SETD5: variants seen among roughly 807,000 people sequenced by gnomAD.
SETD5 encodes the protein SET domain containing 5, also known as histone-lysine N-methyltransferase SETD5.
In SETD5, 44 loss-of-function variants were observed where a neutral mutation model predicts 153.3. That is an observed-to-expected ratio of 0.29 (90% CI 0.23 to 0.37). The LOEUF (loss-of-function observed/expected upper bound fraction) is 0.37, where lower values mean the gene tolerates loss of function less well. Ranked by LOEUF, SETD5 falls within the 10% of genes least tolerant of loss-of-function variation. The pLI, the probability that SETD5 is intolerant of heterozygous loss-of-function variation, is 1.00. For synonymous variants in SETD5, 716 were observed against 645.2 expected (o/e 1.11, Z -1.66); for missense variants, 1,544 against 1,768.0 (o/e 0.87, Z 2.27).
At chr3:9,473,727 ATTAAGAATTACCAACAT>A in intron 20 of SETD5, among the ~76,000 whole-genome samples, 190 bp downstream of exon 20, 1 of 152,214 alleles carries the variant, frequency 6.6e-6, no homozygotes, top group Non-Finnish European at 1.5e-5. Context: ...GCTTTGCAGA[ATTAAGAATTACCAACAT>A]GCCTGTGGAG....
intron 18 of SETD5, among the ~76,000 whole-genome samples, chr3:9,467,733 C>T (rs556943169): frequency 6.6e-6 from 1 of 152,222 alleles, no homozygotes; most frequent in South Asian, 2.1e-4. Context: ...TTCCATTAAG[C>T]ACTCACTGCT....
chr3:9,443,176 C>T (rs892298769), intron 10 of SETD5, 132 bp from the exon 11 acceptor site: 1 of 676,014 alleles, frequency 1.5e-6, no homozygotes, highest in Non-Finnish European at 2.6e-6. Flanking sequence ...GGTTAAATAA[C>T]AGATTACCAT....
chr3:9,433,770 A>G, intron 3 of SETD5, 75 bp from the exon 4 acceptor site: 1 of 1,438,652 alleles, frequency 7.0e-7, no homozygotes, highest in Non-Finnish European at 9.8e-7. Context: ...GAGGGGTTAG[A>G]ATGGGAAATG....
intron 16 of SETD5, chr3:9,449,625 G>A (rs1002408413): frequency 6.6e-6 from 1 of 152,164 alleles, no homozygotes. Context: ...AAACTTAAAA[G>A]CTTTTCTCTT....
intron 2 of SETD5, chr3:9,426,248 T>G (rs2039219257): frequency 7.7e-6 from 1 of 129,570 alleles, no homozygotes; most frequent in African/African-American, 3.1e-5. Context: ...TTTTTTTTTT[T>G]TTTTGGCAAC....
chr3:9,467,586 C>T (rs2044761520), intron 18 of SETD5, among the ~76,000 whole-genome samples: 1 of 152,152 alleles, frequency 6.6e-6, no homozygotes, highest in African/African-American at 2.4e-5. Context: ...TTTCCCCTAC[C>T]TCAGCATGTG....
At position 9,464,107 on chromosome 3, in the gene SETD5, G is replaced by A. The variant is rs78051678; in HGVS notation, c.2477-318G>A. Among the ~76,000 whole-genome samples the A allele has an allele frequency of 0.012, 1,768 of 152,284 alleles. 12 individuals are homozygous for A. The highest frequency in any genetic ancestry group is 0.018 in the Non-Finnish European group (1,206 of 68,028). On this transcript the variant is annotated intron_variant, in intron 17 of 22. Coordinates refer to ENST00000402198, the MANE Select transcript of SETD5 (RefSeq NM_001080517.3). Reference sequence around the variant, plus strand: ...AATGCCATTGCACTCCAGCCTTAGCGACAGAGCAAGGCTCTGTCTCATAAA... The same window carrying A: ...AATGCCATTGCACTCCAGCCTTAGCAACAGAGCAAGGCTCTGTCTCATAAA...
At position 9,454,638 on chromosome 3, in the gene SETD5, A is replaced by AC; in HGVS notation, c.2476+770_2476+771insC. Among the ~76,000 whole-genome samples the AC allele has an allele frequency of 2.7e-5, 4 of 148,632 alleles. 1 individual carries two copies. In the South Asian group the frequency reaches 8.3e-4, roughly 31 times the overall value. ...ACTCCGTCTCAAAAAAAAAAAAAAA[A>AC]AAAAAAAAAAAACAAATTTTTTAAG... On this transcript the variant is annotated intron_variant, in intron 17 of 22. Coordinates refer to ENST00000402198, the MANE Select transcript of SETD5 (RefSeq NM_001080517.3).
chr3:9,475,286 C>T, intron 22 of SETD5, 130 bp downstream of exon 22: 1 of 1,132,236 alleles, frequency 8.8e-7, no homozygotes, highest in Non-Finnish European at 1.2e-6. Flanking sequence ...AAGTCATCAT[C>T]TGCTTGTCCT....
chr3:9,457,262 G>A (rs2043370614), intron 17 of SETD5, among the ~76,000 whole-genome samples: 1 of 152,072 alleles, frequency 6.6e-6, no homozygotes, highest in South Asian at 2.1e-4. Flanking sequence ...GCCGAGATGG[G>A]TGGATCACAA....
intron 10 of SETD5, 47 bp downstream of exon 10, chr3:9,442,292 C>T (rs1425123615): frequency 4.6e-6 from 6 of 1,305,658 alleles, no homozygotes; most frequent in Non-Finnish European, 6.6e-6. Flanking sequence ...CATCAAATGA[C>T]AAGCTTACTG....
At chr3:9,437,522 CGTGTGTGTGTGTGT>C (rs6147703) in intron 7 of SETD5, among the ~76,000 whole-genome samples, 9 of 145,026 alleles carry the variant, frequency 6.2e-5, no homozygotes, top group African/African-American at 2.3e-4. Context: ...TCCTCCTTTA[CGTGTGTGTGTGTGT>C]GTGTGTGTGT....
intron 1 of SETD5, among the ~76,000 whole-genome samples, chr3:9,406,225 T>C (rs1453759237): frequency 6.6e-6 from 1 of 152,148 alleles, no homozygotes; most frequent in East Asian, 1.9e-4. Flanking sequence ...GGCATATTTT[T>C]AAAAAAACTT....
At chr3:9,435,410 G>A (rs2040448581) in intron 6 of SETD5, among the ~76,000 whole-genome samples, 2 of 152,130 alleles carry the variant, frequency 1.3e-5, no homozygotes, top group Admixed American at 6.5e-5. Flanking sequence ...AGTATTCCTT[G>A]TGAACACAAA....
intron 20 of SETD5, among the ~76,000 whole-genome samples, chr3:9,473,935 A>G (rs1435845549): frequency 6.6e-6 from 1 of 152,226 alleles, no homozygotes; most frequent in Non-Finnish European, 1.5e-5. Context: ...GAGCAAAAAG[A>G]CATTCTGAAA....
intron 1 of SETD5, among the ~76,000 whole-genome samples, chr3:9,405,364 T>C (rs2035488093): frequency 6.6e-6 from 1 of 152,198 alleles, no homozygotes; most frequent in East Asian, 1.9e-4. Context: ...GGTTAAAAAT[T>C]AGACCTCTAT....
intron 17 of SETD5, among the ~76,000 whole-genome samples, chr3:9,460,263 TA>T (rs373419555): frequency 1.7e-3 from 250 of 143,804 alleles, no homozygotes; most frequent in African/African-American, 4.6e-3. Flanking sequence ...TTCATAGTAG[TA>T]AAAAAAAAAA....
At position 9,476,319 on chromosome 3, in the gene SETD5, G is replaced by T. The variant is rs76610781; in HGVS notation, c.*228G>T. The T allele has an allele frequency of 3.5e-6, 2 of 571,718 alleles. No homozygotes were observed. Among genetic ancestry groups the T allele is most frequent in the East Asian group, 3.1e-5 (1 of 32,556 alleles). The allele number at this position is 571,718 out of a possible 1,614,324, so 35.4% of individuals were successfully genotyped here. On this transcript the variant is annotated 3_prime_UTR_variant, in exon 23 of 23. Transcript: ENST00000402198. ...GACTATAAAGAAGTTTCTCCCTGCT[G>T]TCAAGGGTACATTGTTGACAAGCAA... is the stretch of plus-strand genomic sequence containing the variant.
At position 9,447,174 on chromosome 3, in the gene SETD5, C is replaced by T. The variant is rs920251845; in HGVS notation, c.1649C>T (p.Ser550Leu). ...GATGTAGAGATTACTACAACCACCT[C>T]AGAGACTCCTGTTGGTGAAGAGACA... ...NSDVEITTTT[S>L]ETPVGEETKT... The change falls in exon 14 of 23, where the codon TCA becomes TTA. Residue 550 changes from serine to leucine, a missense_variant. By Grantham distance (145) the Ser-to-Leu change is moderately radical. Coordinates refer to ENST00000402198, the MANE Select transcript of SETD5 (RefSeq NM_001080517.3). 1.2e-6 allele frequency: 2 copies of T among 1,613,896 alleles called. No homozygotes were observed. Among genetic ancestry groups the T allele is most frequent in the African/African-American group, 2.7e-5 (2 of 74,920 alleles).
Sources: allele counts gnomAD v4.1 joint callset (sites outside exome capture counted in the v4.1 genomes callset), GRCh38; gene constraint gnomAD v4.1.1; transcripts MANE v1.5; gene names NCBI Gene and HGNC (gene_info 2026-07-23, HGNC 2026-07-21).